The following ZFP91 variants were observed in gnomAD, a reference collection of about 807,000 sequenced individuals.
ZFP91 encodes the protein E3 ubiquitin-protein ligase ZFP91.
In ZFP91, 7 loss-of-function variants were observed where a neutral mutation model predicts 63.5. That is an observed-to-expected ratio of 0.11 (90% confidence interval 0.06 to 0.21). The LOEUF (loss-of-function observed/expected upper bound fraction) is 0.21, where lower values mean the gene tolerates loss of function less well. Ranked by LOEUF, ZFP91 falls within the 10% of genes least tolerant of loss-of-function variation. ZFP91 has a pLI of 1.00. For missense variants in ZFP91, 628 were observed against 736.6 expected (o/e 0.85, Z 1.71); for synonymous variants, 330 against 272.1 (o/e 1.21, Z -2.10).
chr11:58,592,474 C>G (rs547309249), intron 2 of ZFP91, among the ~76,000 whole-genome samples: 3 of 152,150 alleles, frequency 2.0e-5, no homozygotes, highest in Non-Finnish European at 4.4e-5. Flanking sequence ...CCAGAATGTT[C>G]TAAGGTATCA....
rs762160885 is a variant in ZFP91 at position 58,617,476 on chromosome 11, C to T, written c.1483C>T (p.Leu495Phe). The T allele has an allele frequency of 1.2e-6, 2 of 1,614,162 alleles. No homozygotes were observed. Among genetic ancestry groups the T allele is most frequent in the South Asian group, 2.2e-5 (2 of 91,086 alleles). Residue 495 changes from leucine (L) to phenylalanine (F), a missense_variant, in exon 11 of 11, where the codon CTT becomes TTT. Leu to Phe is a conservative substitution (Grantham distance 22, BLOSUM62 0). This residue lies in a region of ZFP91 where 115 missense variants were observed against 125.4 expected (regional missense o/e 0.92). Transcript: ENST00000316059. The surrounding 1 kb of genome is among the most constrained non-coding windows in gnomAD (Gnocchi z 4.2). ...QPSDGQGLPL[L>F]PEPLGNSTSG... ...TTCAGATGGTCAGGGTCTTCCTCTT[C>T]TTCCTGAGCCCTTGGGAAACTCAAC...
intron 2 of ZFP91, among the ~76,000 whole-genome samples, chr11:58,608,712 C>G (rs759882774): frequency 2.0e-5 from 3 of 152,206 alleles, no homozygotes; most frequent in Non-Finnish European, 4.4e-5. Flanking sequence ...TCAAGTGATT[C>G]TCCTGCCTCA....
At chr11:58,612,209 C>A in intron 6 of ZFP91, 69 bp from the exon 7 acceptor site, 1 of 1,485,520 alleles carries the variant, frequency 6.7e-7, no homozygotes, top group East Asian at 2.3e-5. Flanking sequence ...GTGTGTGTGT[C>A]TTCAGCCAGC....
intron 2 of ZFP91, among the ~76,000 whole-genome samples, chr11:58,594,163 G>A (rs1039473321): frequency 6.6e-6 from 1 of 152,238 alleles, no homozygotes; most frequent in East Asian, 1.9e-4. Context: ...ATCCTGGAAG[G>A]ACCTTGTTAG....
In ZFP91 at chr11:58,579,169, GGTGAGA is replaced by G; in HGVS notation, c.-107_-102del. ...GGGGAGGGGGGAAAGAGGAGCGCAG[GGTGAGA>G]GTGAGCCGCAGGCTTCGGGAGGCGA... On this transcript the variant is annotated 5_prime_UTR_variant, in exon 1 of 11. Transcript: ENST00000316059. The G allele has an allele frequency of 4.5e-6, 4 of 885,158 alleles. No individual in the cohort carries two copies. In the South Asian group the frequency reaches 6.8e-5, roughly 15 times the overall value. The allele number at this position is 885,158 out of a possible 1,614,324, so 54.8% of individuals were successfully genotyped here.
At chr11:58,615,306 T>A (rs1385034749) in intron 9 of ZFP91, among the ~76,000 whole-genome samples, 1 of 152,216 alleles carries the variant, frequency 6.6e-6, no homozygotes, top group African/African-American at 2.4e-5. Context: ...AACAGTTATT[T>A]CTGTTTCTTG....
At chr11:58,610,439 G>T in intron 4 of ZFP91, 105 bp downstream of exon 4, 1 of 1,169,006 alleles carries the variant, frequency 8.6e-7, no homozygotes, top group Non-Finnish European at 1.2e-6. Context: ...TGAGCTGTAA[G>T]AGAAATTAAC....
intron 2 of ZFP91, among the ~76,000 whole-genome samples, chr11:58,607,383 T>G (rs1855585526): frequency 6.6e-6 from 1 of 152,202 alleles, no homozygotes; most frequent in Non-Finnish European, 1.5e-5. Context: ...TTTTTGGGCT[T>G]CCAGATACTT....
intron 7 of ZFP91, 23 bp from the exon 8 acceptor site, chr11:58,612,739 T>C: frequency 6.3e-7 from 1 of 1,593,194 alleles, no homozygotes; most frequent in Non-Finnish European, 8.5e-7. Flanking sequence ...TTTGCTAACT[T>C]TTCTTCTGCA....
In ZFP91 at chr11:58,593,506, C is replaced by G. The variant is rs183227550; in HGVS notation, c.370+8622C>G. 2.5e-4 allele frequency among the ~76,000 whole-genome samples: 38 copies of G among 152,194 alleles called. 1 individual carries two copies. Among genetic ancestry groups the G allele is most frequent in the Admixed American group, 2.3e-3 (35 of 15,292 alleles). On this transcript the variant is annotated intron_variant, in intron 2 of 10. Coordinates refer to ENST00000316059, the MANE Select transcript of ZFP91 (RefSeq NM_053023.5). The stretch of plus-strand genomic sequence containing the variant: ...GTTGTTTTTAATATATTTTTTAATG[C>G]AAAACTGCTGCTGGAAGAGAGAAAT...
At chr11:58,588,370 T>C (rs1855247202) in intron 2 of ZFP91, among the ~76,000 whole-genome samples, 1 of 152,198 alleles carries the variant, frequency 6.6e-6, no homozygotes, top group Non-Finnish European at 1.5e-5. Flanking sequence ...CCTTACCTAG[T>C]TTATCATAAT....
intron 2 of ZFP91, among the ~76,000 whole-genome samples, chr11:58,599,781 G>A (rs1040293025): frequency 6.6e-6 from 1 of 152,008 alleles, no homozygotes; most frequent in African/African-American, 2.4e-5. Context: ...CTCCCATTCT[G>A]TAGGGTTATC....
intron 5 of ZFP91, 58 bp downstream of exon 5, chr11:58,611,112 T>C: frequency 6.8e-7 from 1 of 1,481,100 alleles, no homozygotes; most frequent in South Asian, 1.2e-5. Flanking sequence ...AAAGCACTGT[T>C]GCATGCTTTT....
Position 58,579,557 on chromosome 11 carries a change from C to T in ZFP91, c.276C>T (p.Pro92=). The part of the protein sequence containing the change: ...SSPSARPPDV[P]GQQPQAAKSP... ...CCAGCGCCAGGCCTCCCGACGTCCC[C>T]GGGCAGCAGCCCCAGGCCGCGAAGT... is the stretch of plus-strand genomic sequence containing the variant. Residue 92 remains proline (P), a synonymous_variant, in exon 1 of 11, where the codon CCC becomes CCT. Coordinates refer to ENST00000316059, the MANE Select transcript of ZFP91 (RefSeq NM_053023.5). 2 of 1,583,968 alleles carry T rather than the reference C, an allele frequency of 1.3e-6. No individual in the cohort carries two copies. Among genetic ancestry groups the T allele is most frequent in the East Asian group, 2.5e-5 (1 of 40,454 alleles).
Position 58,620,816 on chromosome 11 carries a change from A to G in ZFP91, c.*3110A>G, listed in dbSNP as rs149203230. ...AACAAATGTAATGGATCAATTTAAA[A>G]TATTTTATTTCTTAAAAGCCTTTTT... On this transcript the variant is annotated 3_prime_UTR_variant, in exon 11 of 11. Transcript: ENST00000316059. The G allele has an allele frequency of 4.3e-4, 66 of 152,776 alleles. No homozygotes were observed. The highest frequency in any genetic ancestry group is 1.5e-3 in the African/African-American group (64 of 41,570). 9.5% of individuals were successfully genotyped at this position (152,776 alleles called of 1,614,324 possible).
chr11:58,598,502 A>G (rs1855440057), intron 2 of ZFP91, among the ~76,000 whole-genome samples: 1 of 152,106 alleles, frequency 6.6e-6, no homozygotes, highest in African/African-American at 2.4e-5. Flanking sequence ...CATGTTGCTC[A>G]TGCAGTGACT....
At chr11:58,616,630 C>T in intron 9 of ZFP91, 86 bp from the exon 10 acceptor site, 3 of 1,033,820 alleles carry the variant, frequency 2.9e-6, no homozygotes, top group Non-Finnish European at 4.4e-6. Context: ...TCTAAATTGC[C>T]TGCCCCATCA....
intron 2 of ZFP91, among the ~76,000 whole-genome samples, chr11:58,587,944 T>C (rs191253926): frequency 1.3e-5 from 2 of 152,300 alleles, no homozygotes; most frequent in African/African-American, 4.8e-5. Flanking sequence ...CAAGTAGATG[T>C]GGGCAGTGCT....
rs919099078 is a variant in ZFP91 at position 58,620,182 on chromosome 11, G to A, written c.*2476G>A. 7 of 152,076 alleles carry A rather than the reference G, an allele frequency of 4.6e-5. No homozygotes were observed. Among genetic ancestry groups the A allele is most frequent in the African/African-American group, 1.4e-4 (6 of 41,400 alleles). 9.4% of individuals were successfully genotyped at this position (152,076 alleles called of 1,614,324 possible). A position where few individuals can be genotyped will look rare whatever the true frequency, so the allele number is the denominator to read the frequency against. On this transcript the variant is annotated 3_prime_UTR_variant, in exon 11 of 11. Transcript: ENST00000316059. ...TACCATTTGCCTACAATAAATTATT[G>A]CAGCAGTTTGCAATACTAAAATATT...
Sources: gnomAD v4.1 joint callset for allele counts (sites outside exome capture counted in the v4.1 genomes callset) on GRCh38, gnomAD v4.1.1 for gene constraint, gnomAD v4.1.1 regional missense constraint, Gnocchi (gnomAD v3.1) non-coding constraint, MANE v1.5 for transcripts, NCBI Gene and HGNC (gene_info 2026-07-23, HGNC 2026-07-21) for gene names.